CNTNAP2: variants seen among roughly 807,000 people sequenced by gnomAD.
CNTNAP2 encodes the protein contactin associated protein 2.
In CNTNAP2, 98 loss-of-function variants were observed where a neutral mutation model predicts 155.2. The ratio of observed to expected loss-of-function variants is 0.63; its 90% CI spans 0.54 to 0.75. The LOEUF (loss-of-function observed/expected upper bound fraction) is 0.75. CNTNAP2 is among the 30% of genes least tolerant of loss of function. The probability of loss-of-function intolerance (pLI) is 0.00; values close to 1 mark genes in which losing one functional copy is unlikely to be tolerated. For missense variants in CNTNAP2, 1,727 were observed against 1,688.1 expected (o/e 1.02, Z -0.40); for synonymous variants, 651 against 631.2 (o/e 1.03, Z -0.47).
At chr7:146,743,439 T>C (rs1270687291) in intron 1 of CNTNAP2, among the ~76,000 whole-genome samples, 2 of 152,212 alleles carry the variant, frequency 1.3e-5, no homozygotes, top group Admixed American at 1.3e-4. Context: ...ATGCATCTTA[T>C]TACAAACTAG....
At chr7:148,323,529 T>C (rs181003971) in intron 21 of CNTNAP2, among the ~76,000 whole-genome samples, 45 of 152,120 alleles carry the variant, frequency 3.0e-4, no homozygotes, top group African/African-American at 1.0e-3. Flanking sequence ...AGAAATTGAA[T>C]TGAATTCCTG....
At chr7:146,251,018 C>T (rs1223534983) in intron 1 of CNTNAP2, among the ~76,000 whole-genome samples, 1 of 152,008 alleles carries the variant, frequency 6.6e-6, no homozygotes, top group East Asian at 1.9e-4. Context: ...ACAATTTTTC[C>T]AATGAAACTT....
intron 2 of CNTNAP2, among the ~76,000 whole-genome samples, chr7:146,838,721 G>T (rs938891416): frequency 2.6e-5 from 4 of 152,164 alleles, no homozygotes; most frequent in Non-Finnish European, 5.9e-5. Flanking sequence ...GAATATCTGT[G>T]ATGATTTATG....
intron 1 of CNTNAP2, among the ~76,000 whole-genome samples, chr7:146,732,894 T>C (rs1026100837): frequency 6.6e-6 from 1 of 152,158 alleles, no homozygotes; most frequent in African/African-American, 2.4e-5. Context: ...TTTTTTATTA[T>C]TGTGATTTTA....
At chr7:146,377,228 C>A (rs1484013915) in intron 1 of CNTNAP2, among the ~76,000 whole-genome samples, 1 of 152,120 alleles carries the variant, frequency 6.6e-6, no homozygotes, top group Non-Finnish European at 1.5e-5. Context: ...AATGTGCTCT[C>A]TTTTGTACTT....
intron 8 of CNTNAP2, among the ~76,000 whole-genome samples, chr7:147,287,689 C>T (rs1216064409): frequency 6.6e-6 from 1 of 152,068 alleles, no homozygotes; most frequent in East Asian, 1.9e-4. Context: ...TAACTGCCTA[C>T]CTGATATCTC....
chr7:148,354,655 C>G (rs1447619025), intron 21 of CNTNAP2, among the ~76,000 whole-genome samples: 1 of 151,728 alleles, frequency 6.6e-6, no homozygotes, highest in African/African-American at 2.4e-5. Context: ...CATCTCCCTT[C>G]CCTGGGACAA....
chr7:147,588,577 G>T (rs781522307), intron 12 of CNTNAP2, among the ~76,000 whole-genome samples: 3 of 152,078 alleles, frequency 2.0e-5, no homozygotes, highest in Non-Finnish European at 2.9e-5. Context: ...TTATCAACCT[G>T]TAAATTGCTT....
At chr7:146,836,798 A>G (rs962094654) in intron 2 of CNTNAP2, among the ~76,000 whole-genome samples, 2 of 152,186 alleles carry the variant, frequency 1.3e-5, no homozygotes, top group Non-Finnish European at 2.9e-5. Flanking sequence ...TAGTATACAC[A>G]TAAAAGTGAT....
intron 1 of CNTNAP2, among the ~76,000 whole-genome samples, chr7:146,500,869 C>T (rs1488382996): frequency 6.6e-5 from 10 of 151,926 alleles, no homozygotes; most frequent in African/African-American, 2.2e-4. Flanking sequence ...TCATTGTTGG[C>T]CTTTGTTAGG....
At chr7:146,519,837 C>A (rs549469994) in intron 1 of CNTNAP2, among the ~76,000 whole-genome samples, 1 of 151,782 alleles carries the variant, frequency 6.6e-6, no homozygotes, top group East Asian at 1.9e-4. Flanking sequence ...ATCATGAAAC[C>A]CCATGAATTA....
intron 1 of CNTNAP2, among the ~76,000 whole-genome samples, chr7:146,623,129 A>T (rs1176342421): frequency 6.6e-6 from 1 of 151,956 alleles, no homozygotes; most frequent in African/African-American, 2.4e-5. Context: ...ATGTGCAATG[A>T]CTCTAGTCTT....
At chr7:147,552,615 T>C (rs1033616887) in intron 11 of CNTNAP2, among the ~76,000 whole-genome samples, 1 of 147,884 alleles carries the variant, frequency 6.8e-6, no homozygotes, top group Non-Finnish European at 1.5e-5. Flanking sequence ...CACAGAGATA[T>C]AAATAAGAAA....
chr7:147,634,099 A>C (rs1271740870), intron 12 of CNTNAP2, among the ~76,000 whole-genome samples: 1 of 152,218 alleles, frequency 6.6e-6, no homozygotes, highest in African/African-American at 2.4e-5. Context: ...CAATCCCACT[A>C]CTGGGTATCT....
At chr7:146,991,544 G>A (rs961383534) in intron 3 of CNTNAP2, among the ~76,000 whole-genome samples, 5 of 152,090 alleles carry the variant, frequency 3.3e-5, no homozygotes, top group African/African-American at 1.2e-4. Flanking sequence ...AAGAAGTTAC[G>A]AACAGAATTG....
At chr7:146,797,508 T>C (rs997950472) in intron 2 of CNTNAP2, among the ~76,000 whole-genome samples, 1 of 152,220 alleles carries the variant, frequency 6.6e-6, no homozygotes, top group East Asian at 1.9e-4. Context: ...TTGTGGAGGA[T>C]GAACTGAATT....
chr7:146,555,854 A>C (rs968881457), intron 1 of CNTNAP2, among the ~76,000 whole-genome samples: 3 of 152,126 alleles, frequency 2.0e-5, no homozygotes, highest in African/African-American at 7.2e-5. Context: ...TCCAACATAC[A>C]CATTTTTTTT....
At chr7:146,791,333 T>G (rs982566341) in intron 2 of CNTNAP2, among the ~76,000 whole-genome samples, 3 of 152,208 alleles carry the variant, frequency 2.0e-5, no homozygotes, top group African/African-American at 7.2e-5. Context: ...CTTTATCCAG[T>G]CTATCAGTGA....
At chr7:147,051,184 G>GTA (rs10567949) in intron 4 of CNTNAP2, among the ~76,000 whole-genome samples, 2,506 of 98,406 alleles carry the variant, frequency 0.025, 29 homozygotes, top group African/African-American at 0.059. Flanking sequence ...ACATATATAT[G>GTA]TATATATATA....
Sources: allele counts gnomAD v4.1 joint callset (sites outside exome capture counted in the v4.1 genomes callset), GRCh38; gene constraint gnomAD v4.1.1; transcripts MANE v1.5; gene names NCBI Gene and HGNC (gene_info 2026-07-23, HGNC 2026-07-21).